COL4A4: variants seen among roughly 807,000 people sequenced by gnomAD.
The protein encoded by COL4A4 is collagen type IV alpha 4 chain.
A neutral mutation model predicts 192.9 loss-of-function variants in COL4A4; 105 were observed. That is an observed-to-expected ratio of 0.54 (90% CI 0.46 to 0.64). COL4A4 has a LOEUF of 0.64. COL4A4 is among the 30% of genes least tolerant of loss of function. The pLI is 0.00. For missense variants in COL4A4, 1,967 were observed against 2,169.3 expected, an observed-to-expected ratio of 0.91 and a Z score of 1.85; for synonymous variants, 762 against 769.9, an observed-to-expected ratio of 0.99 and a Z score of 0.17.
intron 19 of COL4A4, among the ~76,000 whole-genome samples, chr2:227,098,480 T>A (rs914148464): frequency 1.3e-5 from 2 of 152,218 alleles, no homozygotes; most frequent in Non-Finnish European, 2.9e-5. Context: ...CTTGGCTATA[T>A]GTTACAGACA....
In COL4A4 at chr2:227,049,939, C is replaced by G. The variant is rs2272203; in HGVS notation, c.3214+129G>C. 0.51 allele frequency: 427,044 copies of G among 835,820 alleles called. 110,168 individuals are homozygous for G. The highest frequency in any genetic ancestry group is 0.64 in the South Asian group (46,183 of 72,484). 51.8% of individuals were successfully genotyped at this position (835,820 alleles called of 1,614,324 possible). On this transcript the variant is annotated intron_variant, in intron 34 of 47. Transcript: ENST00000396625. Reference sequence around the variant, plus strand: ...GGATCTTGAGTGTTTGACTGTCTAACAAGAGCCCCTTGGGTGTTGCAGTTT... The same window carrying G: ...GGATCTTGAGTGTTTGACTGTCTAAGAAGAGCCCCTTGGGTGTTGCAGTTT...
Position 227,114,608 on chromosome 2 carries a change from A to G in COL4A4, c.558+20T>C. On this transcript the variant is annotated intron_variant, in intron 8 of 47. Coordinates refer to ENST00000396625, the MANE Select transcript of COL4A4 (RefSeq NM_000092.5). ...TTTGGAAGAAAAAATTTTTTAACCC[A>G]TCATGATCATAATACTTACCTGAAT... 3 of 1,608,710 alleles carry G rather than the reference A, an allele frequency of 1.9e-6. No homozygotes were observed. The highest frequency in any genetic ancestry group is 2.6e-6 in the Non-Finnish European group (3 of 1,175,070).
intron 24 of COL4A4, among the ~76,000 whole-genome samples, 183 bp from the exon 25 acceptor site, chr2:227,078,260 A>G (rs1300012629): frequency 6.6e-6 from 1 of 152,112 alleles, no homozygotes; most frequent in African/African-American, 2.4e-5. Context: ...ATATATATAT[A>G]GAAATGGAGT....
chr2:227,067,357 C>T (rs1418607787), intron 25 of COL4A4, among the ~76,000 whole-genome samples: 3 of 152,186 alleles, frequency 2.0e-5, no homozygotes, highest in Non-Finnish European at 2.9e-5. Context: ...CAGCTCTGCA[C>T]CAAGCAGACC....
In COL4A4 at chr2:227,064,127, A is replaced by T. The variant is rs535100295; in HGVS notation, c.1988-1529T>A. ...TGACATTCTGCCACAGAAATATTCAAAATTACCTTTCTGGGTGAAAACATC... is the reference window on the plus strand; with the variant it reads ...TGACATTCTGCCACAGAAATATTCATAATTACCTTTCTGGGTGAAAACATC... On this transcript the variant is annotated intron_variant, in intron 25 of 47. Transcript: ENST00000396625. 7.9e-5 allele frequency among the ~76,000 whole-genome samples: 12 copies of T among 152,332 alleles called. No individual in the cohort carries two copies. In the South Asian group the frequency reaches 2.3e-3, roughly 29 times the overall value.
At chr2:227,147,613 C>T in intron 1 of COL4A4, 29 bp from the exon 2 acceptor site, 1 of 759,726 alleles carries the variant, frequency 1.3e-6, no homozygotes, top group Non-Finnish European at 2.4e-6. Flanking sequence ...TCACTTAAAA[C>T]ACAGCATGCA....
At chr2:227,091,957 A>C in intron 20 of COL4A4, among the ~76,000 whole-genome samples, 1 of 151,954 alleles carries the variant, frequency 6.6e-6, no homozygotes, top group East Asian at 1.9e-4. Context: ...AAAAGACATG[A>C]CATGAAAGCT....
At chr2:227,098,329 C>T (rs2060315899) in intron 19 of COL4A4, among the ~76,000 whole-genome samples, 1 of 152,172 alleles carries the variant, frequency 6.6e-6, no homozygotes, top group Admixed American at 6.5e-5. Context: ...CATGCGATAA[C>T]TTTGTGGGAG....
At chr2:227,125,058 G>A (rs1171894081) in intron 4 of COL4A4, among the ~76,000 whole-genome samples, 1 of 152,114 alleles carries the variant, frequency 6.6e-6, no homozygotes, top group African/African-American at 2.4e-5. Flanking sequence ...TTTTAGGCAT[G>A]CAATACCAAA....
chr2:227,163,393 A>G (rs868805752), intron 1 of COL4A4, among the ~76,000 whole-genome samples: 57 of 152,378 alleles, frequency 3.7e-4, no homozygotes, highest in African/African-American at 1.2e-3. Flanking sequence ...ATTTAATGCA[A>G]TAATGATGAT....
At position 227,108,865 on chromosome 2, in the gene COL4A4, G is replaced by A. The variant is rs1261138757; in HGVS notation, c.661C>T (p.Pro221Ser). ...GYPGEPGLVG[P>S]PGQPGRPGLK... The stretch of plus-strand genomic sequence containing the variant: ...CCTGGACGCCCTGGTTGGCCCGGAG[G>A]TCCCTAAATCAAGGGAGAAAAAAAC... The change falls in exon 11 of 48, where the codon CCT becomes TCT. Residue 221 changes from proline to serine, a missense_variant. Physicochemically the swap from Pro to Ser is moderately conservative, Grantham distance 74 (BLOSUM62 -1). Coordinates refer to ENST00000396625, the MANE Select transcript of COL4A4 (RefSeq NM_000092.5). The A allele has an allele frequency of 1.2e-6, 2 of 1,611,576 alleles. No homozygotes were observed. Among genetic ancestry groups the A allele is most frequent in the East Asian group, 4.5e-5 (2 of 44,832 alleles).
At chr2:227,147,229 G>A in intron 2 of COL4A4, 184 bp downstream of exon 2, 1 of 719,532 alleles carries the variant, frequency 1.4e-6, no homozygotes, top group Non-Finnish European at 2.5e-6. Context: ...ATGCATTTCA[G>A]GGAAAATTGA....
downstream of COL4A4, among the ~76,000 whole-genome samples, chr2:227,000,166 T>C (rs1030796076): frequency 6.6e-6 from 1 of 152,168 alleles, no homozygotes; most frequent in Non-Finnish European, 1.5e-5. Flanking sequence ...CTTCAGACTC[T>C]CGTTATAGAG....
chr2:227,155,465 C>T (rs1374332039), intron 1 of COL4A4, among the ~76,000 whole-genome samples: 2 of 152,160 alleles, frequency 1.3e-5, no homozygotes, highest in African/African-American at 4.8e-5. Context: ...CCCTTTGCCT[C>T]CAAGTTAAGA....
intron 40 of COL4A4, among the ~76,000 whole-genome samples, 157 bp from the exon 41 acceptor site, chr2:227,030,755 T>C (rs1968114979): frequency 1.3e-5 from 2 of 152,190 alleles, no homozygotes; most frequent in Non-Finnish European, 2.9e-5. Flanking sequence ...AGAAATGAAA[T>C]AGAATGAATC....
downstream of COL4A4, among the ~76,000 whole-genome samples, chr2:227,001,382 C>T (rs1459720630): frequency 1.8e-5 from 2 of 111,692 alleles, no homozygotes; most frequent in East Asian, 2.3e-4. Flanking sequence ...GAGATAAAGG[C>T]CTGTGGGATT....
In COL4A4 at chr2:227,121,336, G is replaced by A. The variant is rs1010787790; in HGVS notation, c.193-188C>T. ...CAGCACTTTGGGAGGCCGAGACAACGAGGTTCACTCGAGCTCAGGAATTCA... is the reference window on the plus strand; with the variant it reads ...CAGCACTTTGGGAGGCCGAGACAACAAGGTTCACTCGAGCTCAGGAATTCA... On this transcript the variant is annotated intron_variant, in intron 4 of 47. Coordinates refer to ENST00000396625, the MANE Select transcript of COL4A4 (RefSeq NM_000092.5). 5.9e-5 allele frequency among the ~76,000 whole-genome samples: 9 copies of A among 152,070 alleles called. No individual in the cohort carries two copies. The East Asian group carries it at 7.7e-4, about 13-fold the overall frequency.
At chr2:227,129,680 A>G (rs6737517) in intron 4 of COL4A4, among the ~76,000 whole-genome samples, 132,550 of 152,140 alleles carry the variant, frequency 0.87, 58,174 homozygotes, top group East Asian at 0.99. Context: ...AAGTGCCAGG[A>G]TTACAGGCAT....
chr2:226,979,962 G>A, the COL4A4 span, among the ~76,000 whole-genome samples: 1 of 152,142 alleles, frequency 6.6e-6, no homozygotes, highest in Non-Finnish European at 1.5e-5. Context: ...AGGTTTTGAT[G>A]GATTGAATTT....
Sources: allele counts gnomAD v4.1 joint callset (sites outside exome capture counted in the v4.1 genomes callset), GRCh38; gene constraint gnomAD v4.1.1; transcripts MANE v1.5; gene names NCBI Gene and HGNC (gene_info 2026-07-23, HGNC 2026-07-21).